Variants in FHOD3 observed in about 807,000 individuals in gnomAD.
The protein encoded by FHOD3 is FH1/FH2 domain-containing protein 3.
Under a neutral mutation model 173.0 loss-of-function variants are expected in FHOD3, and 90 were observed. The observed-to-expected ratio is 0.52, with a 90% CI of 0.44 to 0.62. The LOEUF (loss-of-function observed/expected upper bound fraction) is 0.62, where lower values mean the gene tolerates loss of function less well. Ranked by LOEUF, FHOD3 falls within the 20% of genes least tolerant of loss-of-function variation. The probability of loss-of-function intolerance (pLI) is 0.00; values close to 1 mark genes in which losing one functional copy is unlikely to be tolerated. For synonymous variants in FHOD3, 828 were observed against 823.0 expected (o/e 1.01, Z -0.10); for missense variants, 1,945 against 2,034.7 (o/e 0.96, Z 0.85).
chr18:36,532,096 C>T (rs985480304), intron 5 of FHOD3, among the ~76,000 whole-genome samples: 4 of 152,246 alleles, frequency 2.6e-5, no homozygotes, highest in African/African-American at 9.6e-5. Context: ...GGCTTTCATG[C>T]AGCCATTGGA....
intron 1 of FHOD3, among the ~76,000 whole-genome samples, chr18:36,326,911 G>A (rs185581608): frequency 6.6e-6 from 1 of 152,340 alleles, no homozygotes; most frequent in African/African-American, 2.4e-5. Flanking sequence ...AACTGCCTAT[G>A]TTGCACTCTG....
At chr18:36,482,858 C>CACACACACACAGAGAGAGAG (rs1400178557) in intron 3 of FHOD3, among the ~76,000 whole-genome samples, 6 of 130,456 alleles carry the variant, frequency 4.6e-5, no homozygotes, top group African/African-American at 1.9e-4. Flanking sequence ...CACACACACA[C>CACACACACACAGAGAGAGAG]AGAGAGAGAG....
At chr18:36,699,421 C>T (rs1401374918) in intron 17 of FHOD3, among the ~76,000 whole-genome samples, 1 of 152,218 alleles carries the variant, frequency 6.6e-6, no homozygotes, top group South Asian at 2.1e-4. Flanking sequence ...ACATCTGCAC[C>T]TTTCATCCCA....
intron 5 of FHOD3, among the ~76,000 whole-genome samples, chr18:36,531,757 C>T (rs1257163715): frequency 6.6e-6 from 1 of 152,216 alleles, no homozygotes; most frequent in Non-Finnish European, 1.5e-5. Flanking sequence ...CTGGCTCTTC[C>T]TCCAGCTCCT....
At position 36,602,717 on chromosome 18, in the gene FHOD3, A is replaced by T; in HGVS notation, c.762A>T (p.Lys254Asn). ...WSNIMEILEE[K>N]DGVDTELLVY... is the part of the protein sequence containing the mutation. ...ATATCATGGAAATCCTGGAGGAAAA[A>T]GATGGAGTTGATACGGAGCTACTGG... Residue 254 changes from lysine (K) to asparagine (N), a missense_variant, in exon 8 of 29, where the codon AAA (lysine) becomes AAT (asparagine). Physicochemically the swap from Lys to Asn is moderately conservative, Grantham distance 94. Transcript: ENST00000590592. 6.2e-7 allele frequency: 1 copy of T among 1,614,176 alleles called. No homozygotes were observed. The highest frequency in any genetic ancestry group is 8.5e-7 in the Non-Finnish European group (1 of 1,180,022).
At chr18:36,339,729 C>T (rs1398519945) in intron 1 of FHOD3, among the ~76,000 whole-genome samples, 1 of 152,174 alleles carries the variant, frequency 6.6e-6, no homozygotes, top group Non-Finnish European at 1.5e-5. Flanking sequence ...GGGCTGTGGA[C>T]ACCTGTGAAA....
At chr18:36,435,466 T>C (rs972871796) in intron 3 of FHOD3, among the ~76,000 whole-genome samples, 2 of 152,164 alleles carry the variant, frequency 1.3e-5, no homozygotes, top group Non-Finnish European at 2.9e-5. Flanking sequence ...TAGTACTTTG[T>C]GGGTTTCTCA....
rs73949418 is a variant in FHOD3 at position 36,308,089 on chromosome 18, T to C, written c.165+10089T>C. 8.1e-3 allele frequency among the ~76,000 whole-genome samples: 1,239 copies of C among 152,356 alleles called. 17 individuals are homozygous for C. The highest frequency in any genetic ancestry group is 0.029 in the African/African-American group (1,192 of 41,574). On this transcript the variant is annotated intron_variant, in intron 1 of 28. Transcript: ENST00000590592. ...TCTTTCTTCTTGAATGTTAAATTTG[T>C]CCATGCTTGGTACTTAATACATATT...
chr18:36,337,454 G>A (rs1199711997), intron 1 of FHOD3, among the ~76,000 whole-genome samples: 1 of 152,118 alleles, frequency 6.6e-6, no homozygotes, highest in Non-Finnish European at 1.5e-5. Flanking sequence ...CAATATGTGT[G>A]GAGGTTTTTA....
chr18:36,675,805 G>A (rs2037819723), intron 14 of FHOD3, among the ~76,000 whole-genome samples: 1 of 152,158 alleles, frequency 6.6e-6, no homozygotes, highest in Admixed American at 6.5e-5. Flanking sequence ...GGGTAGAGAT[G>A]AATGAGAAAA....
rs138249311 is a variant in FHOD3 at position 36,459,705 on chromosome 18, T to C, written c.338-42227T>C. On this transcript the variant is annotated intron_variant, in intron 3 of 28. Coordinates refer to ENST00000590592, the MANE Select transcript of FHOD3 (RefSeq NM_001281740.3). The stretch of plus-strand genomic sequence containing the variant: ...TGAAAAATATAGCTTTAAAATAGTT[T>C]TAGATTTACAGAAAAATTGTAAAGA... Among the ~76,000 whole-genome samples the C allele has an allele frequency of 3.5e-3, 536 of 152,298 alleles. 6 individuals carry two copies. The highest frequency in any genetic ancestry group is 0.028 in the East Asian group (145 of 5,186).
chr18:36,624,055 C>G (rs1006916858), intron 9 of FHOD3, among the ~76,000 whole-genome samples: 1 of 152,148 alleles, frequency 6.6e-6, no homozygotes. Context: ...CTAAGAACAC[C>G]CACAAGGCTG....
In FHOD3 at chr18:36,492,959, A is replaced by G. The variant is rs140974468; in HGVS notation, c.338-8973A>G. Among the ~76,000 whole-genome samples the G allele has an allele frequency of 1.1e-4, 17 of 152,212 alleles. No homozygotes were observed. In the South Asian group the frequency reaches 1.2e-3, roughly 11 times the overall value. On this transcript the variant is annotated intron_variant, in intron 3 of 28. Coordinates refer to ENST00000590592, the MANE Select transcript of FHOD3 (RefSeq NM_001281740.3). ...ATTGTACAATCACATCATACGGCCA[A>G]TTCCATTTCTGTTAGCCATTTTCAG...
In FHOD3 at chr18:36,430,212, A is replaced by G. The variant is rs148194585; in HGVS notation, c.337+57468A>G. Among the ~76,000 whole-genome samples, 322 of 152,336 alleles carry G rather than the reference A, an allele frequency of 2.1e-3. 2 individuals are homozygous for G. The highest frequency in any genetic ancestry group is 7.0e-3 in the African/African-American group (292 of 41,588). On this transcript the variant is annotated intron_variant, in intron 3 of 28. Transcript: ENST00000590592. ...TTTGCCACAAGACTAGGGTTGGGCAAATAAGCCAGATTTTGTTTTTTGAGA... is the reference window on the plus strand; with the variant it reads ...TTTGCCACAAGACTAGGGTTGGGCAGATAAGCCAGATTTTGTTTTTTGAGA...
intron 3 of FHOD3, among the ~76,000 whole-genome samples, chr18:36,437,962 G>A (rs1427858607): frequency 1.3e-5 from 2 of 151,948 alleles, no homozygotes; most frequent in South Asian, 2.1e-4. Context: ...GCGCCTGGCC[G>A]AGTTTTTGGT....
intron 9 of FHOD3, among the ~76,000 whole-genome samples, chr18:36,615,187 A>G (rs984423739): frequency 1.4e-4 from 22 of 152,120 alleles, no homozygotes; most frequent in Admixed American, 1.1e-3. Flanking sequence ...AATTATTTCT[A>G]TATTCTGGAT....
chr18:36,478,135 A>G (rs948235698), intron 3 of FHOD3, among the ~76,000 whole-genome samples: 1 of 152,200 alleles, frequency 6.6e-6, no homozygotes, highest in Admixed American at 6.5e-5. Context: ...AAAGGTGAGC[A>G]GTAATTGGTT....
At chr18:36,512,123 G>T (rs762091619) in intron 4 of FHOD3, among the ~76,000 whole-genome samples, 1 of 152,236 alleles carries the variant, frequency 6.6e-6, no homozygotes, top group Non-Finnish European at 1.5e-5. Context: ...GGGACCGTGG[G>T]GGAGTAGAGC....
intron 26 of FHOD3, 44 bp from the exon 27 acceptor site, chr18:36,760,564 T>C (rs1419172425): frequency 6.8e-6 from 10 of 1,481,446 alleles, no homozygotes; most frequent in Non-Finnish European, 9.0e-6. Context: ...AGTTGTCTTT[T>C]TGGGGAGTCT....
Sources: gnomAD v4.1 joint callset for allele counts (sites outside exome capture counted in the v4.1 genomes callset) on GRCh38, gnomAD v4.1.1 for gene constraint, MANE v1.5 for transcripts, NCBI Gene and HGNC (gene_info 2026-07-23, HGNC 2026-07-21) for gene names.